Variants in C10orf67 observed in about 807,000 individuals in gnomAD.
The protein encoded by C10orf67 is uncharacterized protein C10orf67, mitochondrial.
Under a neutral mutation model 35.6 loss-of-function variants are expected in C10orf67, and 60 were observed. The observed-to-expected ratio is 1.68, with a 90% CI of 1.37 to 2.09. The LOEUF (loss-of-function observed/expected upper bound fraction) is 2.09, where lower values mean the gene tolerates loss of function less well. Among genes scored for constraint, C10orf67 ranks in the 30% most tolerant of loss-of-function variants. The pLI, the probability that C10orf67 is intolerant of heterozygous loss-of-function variation, is 0.00. For missense variants in C10orf67, 474 were observed against 330.2 expected, an observed-to-expected ratio of 1.44 and a Z score of -3.38; for synonymous variants, 167 against 115.8, an observed-to-expected ratio of 1.44 and a Z score of -2.84.
intron 2 of C10orf67, among the ~76,000 whole-genome samples, chr10:23,323,832 T>A (rs1845053029): frequency 7.3e-6 from 1 of 136,702 alleles, no homozygotes; most frequent in African/African-American, 2.7e-5. Flanking sequence ...AGATGGAGGT[T>A]GCAGTGAGCC....
intron 15 of C10orf67, among the ~76,000 whole-genome samples, chr10:23,208,517 C>T (rs1841218020): frequency 6.6e-6 from 1 of 152,172 alleles, no homozygotes; most frequent in African/African-American, 2.4e-5. Flanking sequence ...TTCCACAAAT[C>T]CTGGTCTGAC....
chr10:23,234,736 C>T lies in C10orf67; in HGVS notation c.1434+4993G>A, dbSNP rs140209901. Among the ~76,000 whole-genome samples, 23 of 150,744 alleles carry T rather than the reference C, an allele frequency of 1.5e-4. No homozygotes were observed. The East Asian group carries it at 2.9e-3, about 19-fold the overall frequency. ...AAAAAAAAAAAAAGGTAAATAAGGT[C>T]GGGCACAGTGGCTCACGCCTGTAAT... On this transcript the variant is annotated intron_variant, in intron 13 of 15. Coordinates refer to ENST00000636213, the MANE Select transcript of C10orf67 (RefSeq NM_001371909.1).
intron 10 of C10orf67, among the ~76,000 whole-genome samples, chr10:23,263,318 A>T (rs1268190465): frequency 6.6e-6 from 1 of 152,252 alleles, no homozygotes; most frequent in African/African-American, 2.4e-5. Context: ...AAATTTCAGA[A>T]GAAAAGATCT....
chr10:23,307,191 C>T (rs1306822974), intron 4 of C10orf67, among the ~76,000 whole-genome samples: 2 of 152,154 alleles, frequency 1.3e-5, no homozygotes, highest in African/African-American at 4.8e-5. Context: ...TTACTTACTT[C>T]CAGCATTTAA....
chr10:23,270,458 C>T (rs1178787523), intron 8 of C10orf67, among the ~76,000 whole-genome samples: 2 of 152,200 alleles, frequency 1.3e-5, no homozygotes, highest in Non-Finnish European at 2.9e-5. Context: ...AGACTAGCTG[C>T]TCAGGCATAC....
intron 5 of C10orf67, among the ~76,000 whole-genome samples, chr10:23,298,918 G>A (rs1302262690): frequency 6.6e-6 from 1 of 152,058 alleles, no homozygotes; most frequent in Non-Finnish European, 1.5e-5. Flanking sequence ...ATAGTCTTGG[G>A]TGCCTGGCCA....
At chr10:23,221,723 A>G (rs1350515918) in intron 15 of C10orf67, among the ~76,000 whole-genome samples, 2 of 152,240 alleles carry the variant, frequency 1.3e-5, no homozygotes, top group African/African-American at 2.4e-5. Context: ...TTCTAAAGAG[A>G]AGATTCATTT....
intron 4 of C10orf67, chr10:23,317,953 T>A (rs1844792140): frequency 6.6e-6 from 1 of 150,800 alleles, no homozygotes. Flanking sequence ...TATATTTAAA[T>A]TAACTGGGTG....
chr10:23,305,142 A>G (rs1844228258), intron 4 of C10orf67, among the ~76,000 whole-genome samples: 1 of 152,230 alleles, frequency 6.6e-6, no homozygotes. Context: ...ATAGTTAGTG[A>G]AGAATCAGGC....
chr10:23,214,525 TAAA>T (rs911313691), intron 15 of C10orf67, among the ~76,000 whole-genome samples: 1 of 151,810 alleles, frequency 6.6e-6, no homozygotes. Context: ...TAATATGTAA[TAAA>T]AATAAAAAAT....
chr10:23,341,969 T>G (rs1206319839), intron 1 of C10orf67, among the ~76,000 whole-genome samples: 2 of 152,082 alleles, frequency 1.3e-5, no homozygotes, highest in Middle Eastern at 3.2e-3. Context: ...CCCAGGAGTT[T>G]GAGACCAGCC....
At chr10:23,321,202 C>T (rs1844942551) in intron 3 of C10orf67, among the ~76,000 whole-genome samples, 2 of 152,268 alleles carry the variant, frequency 1.3e-5, no homozygotes, top group Admixed American at 1.3e-4. Context: ...ATCTATACAG[C>T]TAGTCTGCAA....
chr10:23,339,677 C>T (rs1341719725), intron 1 of C10orf67, among the ~76,000 whole-genome samples: 1 of 152,190 alleles, frequency 6.6e-6, no homozygotes, highest in Admixed American at 6.5e-5. Context: ...GTTTCCTCTT[C>T]CTCAGACCTG....
chr10:23,220,808 T>C (rs1402849395), intron 15 of C10orf67, among the ~76,000 whole-genome samples: 5 of 152,216 alleles, frequency 3.3e-5, no homozygotes, highest in African/African-American at 9.6e-5. Flanking sequence ...CACTGAATGA[T>C]AGTTATACAT....
chr10:23,271,229 T>C (rs1431320844), intron 8 of C10orf67, among the ~76,000 whole-genome samples: 9 of 152,234 alleles, frequency 5.9e-5, no homozygotes. Flanking sequence ...CTAACTATCC[T>C]GAATGTATAT....
intron 12 of C10orf67, among the ~76,000 whole-genome samples, chr10:23,242,224 CT>C (rs1842202888): frequency 1.3e-5 from 2 of 152,122 alleles, no homozygotes; most frequent in Admixed American, 6.5e-5. Flanking sequence ...CCACCTCGGC[CT>C]CCCAAAGTGC....
chr10:23,239,940 A>C (rs1186610099), intron 12 of C10orf67, 124 bp from the exon 13 acceptor site: 8 of 454,690 alleles, frequency 1.8e-5, no homozygotes, highest in Non-Finnish European at 3.2e-5. Flanking sequence ...TAAAAATATA[A>C]AAATATTAGC....
chr10:23,220,738 T>C (rs1481066507), intron 15 of C10orf67, among the ~76,000 whole-genome samples: 1 of 152,164 alleles, frequency 6.6e-6, no homozygotes, highest in Non-Finnish European at 1.5e-5. Flanking sequence ...ACCCACCTAA[T>C]AGGATTTTTG....
intron 4 of C10orf67, chr10:23,318,871 G>A (rs1485276626): frequency 1.2e-5 from 9 of 776,298 alleles, no homozygotes; most frequent in Non-Finnish European, 1.9e-5. Flanking sequence ...TTTCCACCTT[G>A]CTACCTTCAG....
Sources: gnomAD v4.1 joint callset for allele counts (sites outside exome capture counted in the v4.1 genomes callset) on GRCh38, gnomAD v4.1.1 for gene constraint, MANE v1.5 for transcripts, NCBI Gene and HGNC (gene_info 2026-07-23, HGNC 2026-07-21) for gene names.